The following COMMD10 variants were observed in gnomAD, a reference collection of about 807,000 sequenced individuals.
The protein encoded by COMMD10 is COMM domain containing 10.
Under a neutral mutation model 28.9 loss-of-function variants are expected in COMMD10, and 33 were observed. That is an observed-to-expected ratio of 1.14 (90% CI 0.87 to 1.53). The LOEUF is 1.53. COMMD10 is among the 40% of genes most tolerant of loss of function. The pLI, the probability that COMMD10 is intolerant of heterozygous loss-of-function variation, is 0.00. For synonymous variants in COMMD10, 110 were observed against 81.7 expected (o/e 1.35, Z -1.87); for missense variants, 310 against 233.4 (o/e 1.33, Z -2.14).
At chr5:116,230,078 C>G (rs1749491660) in intron 5 of COMMD10, among the ~76,000 whole-genome samples, 1 of 151,788 alleles carries the variant, frequency 6.6e-6, no homozygotes, top group Non-Finnish European at 1.5e-5. Flanking sequence ...CATAAAGGTT[C>G]ATTCTGTCTA....
At chr5:116,157,214 C>T (rs1752745998) in intron 5 of COMMD10, among the ~76,000 whole-genome samples, 1 of 152,162 alleles carries the variant, frequency 6.6e-6, no homozygotes, top group South Asian at 2.1e-4. Context: ...AAAACCAATA[C>T]TACATATTTT....
chr5:116,236,655 AAG>A (rs1433281879), intron 5 of COMMD10, among the ~76,000 whole-genome samples: 1 of 152,104 alleles, frequency 6.6e-6, no homozygotes, highest in Admixed American at 6.6e-5. Context: ...CAAAACTGTG[AAG>A]AGAGTAAAAA....
chr5:116,195,792 C>G (rs1238934043), intron 5 of COMMD10, among the ~76,000 whole-genome samples: 2 of 151,898 alleles, frequency 1.3e-5, no homozygotes, highest in African/African-American at 2.4e-5. Context: ...AGACAATTCT[C>G]AAAAGAAAAT....
intron 5 of COMMD10, among the ~76,000 whole-genome samples, chr5:116,182,787 A>G (rs1355334297): frequency 6.6e-6 from 1 of 152,106 alleles, no homozygotes; most frequent in Non-Finnish European, 1.5e-5. Flanking sequence ...TCCTCACCCA[A>G]AATCTCATCT....
At chr5:116,138,613 TTG>T (rs1752104489) in intron 5 of COMMD10, among the ~76,000 whole-genome samples, 1 of 151,806 alleles carries the variant, frequency 6.6e-6, no homozygotes, top group South Asian at 2.1e-4. Context: ...GGAAGGATCC[TTG>T]TGTTTCATTT....
intron 5 of COMMD10, among the ~76,000 whole-genome samples, chr5:116,182,926 G>T (rs1309155389): frequency 2.0e-5 from 3 of 152,038 alleles, no homozygotes; most frequent in South Asian, 2.1e-4. Flanking sequence ...TAAGCATGTG[G>T]CATTTCCCCT....
At chr5:116,122,639 T>A (rs529633541) in intron 4 of COMMD10, among the ~76,000 whole-genome samples, 1 of 152,350 alleles carries the variant, frequency 6.6e-6, no homozygotes, top group South Asian at 2.1e-4. Context: ...CATTTGTTTG[T>A]GTCCTCTTTT....
intron 5 of COMMD10, among the ~76,000 whole-genome samples, chr5:116,199,599 A>T (rs747234070): frequency 6.6e-6 from 1 of 152,132 alleles, no homozygotes; most frequent in Admixed American, 6.6e-5. Flanking sequence ...TTATTTTACC[A>T]TTATGTATTC....
intron 5 of COMMD10, among the ~76,000 whole-genome samples, chr5:116,278,151 T>G (rs1290972648): frequency 6.6e-6 from 1 of 151,772 alleles, no homozygotes; most frequent in Non-Finnish European, 1.5e-5. Flanking sequence ...TAGAATAAAT[T>G]ATAAATACTT....
chr5:116,092,534 C>CT lies in COMMD10; in HGVS notation c.244-6dup, dbSNP rs1561595579. On this transcript the variant is annotated splice_polypyrimidine_tract_variant and intron_variant, in intron 3 of 6. Transcript: ENST00000274458. Reference sequence around the variant, plus strand: ...GAGGGACATATGTAATTTTTTGTTTCTTTTTAATAGGCAGTGTATCACAAT... The same window carrying CT: ...GAGGGACATATGTAATTTTTTGTTTCTTTTTTAATAGGCAGTGTATCACAAT... The CT allele has an allele frequency of 6.5e-7, 1 of 1,531,478 alleles. No homozygotes were observed. Among genetic ancestry groups the CT allele is most frequent in the Admixed American group, 2.1e-5 (1 of 47,868 alleles). 94.9% of individuals were successfully genotyped at this position (1,531,478 alleles called of 1,614,324 possible).
chr5:116,087,038 A>G (rs17138853), intron 1 of COMMD10, among the ~76,000 whole-genome samples: 4,300 of 152,280 alleles, frequency 0.028, 102 homozygotes, highest in East Asian at 0.14. Flanking sequence ...TTTTAAAATA[A>G]CTGTGTGCTT....
intron 5 of COMMD10, among the ~76,000 whole-genome samples, chr5:116,140,493 C>A (rs1752165395): frequency 6.6e-6 from 1 of 151,672 alleles, no homozygotes; most frequent in Admixed American, 6.6e-5. Flanking sequence ...TTTGGAGGAA[C>A]CTTCAAACTG....
chr5:116,202,939 T>A (rs1580545033), intron 5 of COMMD10, among the ~76,000 whole-genome samples: 2 of 152,126 alleles, frequency 1.3e-5, no homozygotes, highest in East Asian at 3.8e-4. Context: ...GCTTTTGGTG[T>A]TTTAGACATG....
At chr5:116,119,918 C>G (rs905314403) in intron 4 of COMMD10, among the ~76,000 whole-genome samples, 1 of 152,112 alleles carries the variant, frequency 6.6e-6, no homozygotes, top group Non-Finnish European at 1.5e-5. Flanking sequence ...CTGTGCCTGC[C>G]TTGTATCTTT....
chr5:116,088,916 C>G (rs1213457951), intron 2 of COMMD10, among the ~76,000 whole-genome samples: 1 of 152,190 alleles, frequency 6.6e-6, no homozygotes, highest in Non-Finnish European at 1.5e-5. Flanking sequence ...TTATGTCTTA[C>G]TCATCTTTAT....
chr5:116,257,645 A>C (rs997185653), intron 5 of COMMD10, among the ~76,000 whole-genome samples: 2 of 151,582 alleles, frequency 1.3e-5, no homozygotes, highest in African/African-American at 4.9e-5. Flanking sequence ...CTAGTTTTAA[A>C]CTTCATGTTC....
chr5:116,272,928 C>G (rs1301315803), intron 5 of COMMD10, among the ~76,000 whole-genome samples: 1 of 151,856 alleles, frequency 6.6e-6, no homozygotes, highest in African/African-American at 2.4e-5. Context: ...TGGTCTGTCA[C>G]TGTGGGCTTC....
At chr5:116,273,488 C>G (rs555223737) in intron 5 of COMMD10, among the ~76,000 whole-genome samples, 1 of 151,808 alleles carries the variant, frequency 6.6e-6, no homozygotes, top group African/African-American at 2.4e-5. Context: ...ATTTCAAGTT[C>G]AAAATTATTA....
At chr5:116,281,669 A>G (rs548978041) in intron 5 of COMMD10, among the ~76,000 whole-genome samples, 1 of 151,938 alleles carries the variant, frequency 6.6e-6, no homozygotes, top group South Asian at 2.1e-4. Flanking sequence ...AGTGACTTCA[A>G]TGTGTTTTAC....
Sources: gnomAD v4.1 joint callset for allele counts (sites outside exome capture counted in the v4.1 genomes callset) on GRCh38, gnomAD v4.1.1 for gene constraint, MANE v1.5 for transcripts, NCBI Gene and HGNC (gene_info 2026-07-23, HGNC 2026-07-21) for gene names.